Variants in CSMD1 observed in about 807,000 individuals in gnomAD.
CSMD1 encodes CUB and sushi domain-containing protein 1.
A neutral mutation model predicts 417.5 loss-of-function variants in CSMD1; 213 were observed. The observed-to-expected ratio is 0.51, with a 90% confidence interval of 0.46 to 0.57. The LOEUF (loss-of-function observed/expected upper bound fraction) is 0.57, where lower values mean the gene tolerates loss of function less well. Among genes scored for constraint, CSMD1 ranks in the 20% least tolerant of loss-of-function variants. The probability of loss-of-function intolerance (pLI) is 0.00; values close to 1 mark genes in which losing one functional copy is unlikely to be tolerated. For synonymous variants in CSMD1, 2,862 were observed against 1,736.8 expected (o/e 1.65, Z -16.11); for missense variants, 6,923 against 4,529.7 (o/e 1.53, Z -15.17).
chr8:3,604,635 A>G (rs1210370627), intron 8 of CSMD1, among the ~76,000 whole-genome samples: 1 of 152,186 alleles, frequency 6.6e-6, no homozygotes, highest in Non-Finnish European at 1.5e-5. Flanking sequence ...AAAAGGAATC[A>G]AAGGAGCCAA....
chr8:4,151,119 A>C (rs922964405), intron 3 of CSMD1, among the ~76,000 whole-genome samples: 2 of 152,318 alleles, frequency 1.3e-5, no homozygotes, highest in African/African-American at 4.8e-5. Context: ...AGAAGATATT[A>C]GGATCCCTGT....
rs181529047 is a variant in CSMD1, at chr8:4,874,207, A to G, written c.85+120125T>C. Among the ~76,000 whole-genome samples the G allele has an allele frequency of 5.7e-4, 87 of 152,256 alleles. 1 individual carries two copies. The highest frequency in any genetic ancestry group is 2.0e-3 in the African/African-American group (83 of 41,496). On this transcript the variant is annotated intron_variant, in intron 1 of 69. Coordinates refer to ENST00000635120, the MANE Select transcript of CSMD1 (RefSeq NM_033225.6). ...GAACAATGAACATGTGTGATTAATAAGATCAAGAAAGCCACTGTATAATTG... is the reference window on the plus strand; with the variant it reads ...GAACAATGAACATGTGTGATTAATAGGATCAAGAAAGCCACTGTATAATTG...
chr8:3,188,998 G>A lies in CSMD1; in HGVS notation c.5412C>T (p.Gly1804=), dbSNP rs1389003090. 3 of 1,612,940 alleles carry A rather than the reference G, an allele frequency of 1.9e-6. No individual in the cohort carries two copies. The highest frequency in any genetic ancestry group is 2.7e-5 in the African/African-American group (2 of 75,000). The part of the protein sequence containing the change: ...TIPSCVVPCS[G]NFTQRRGTIL... ...TTGTACCTCTTCGTTGAGTGAAATT[G>A]CCACTGCAGGGTACTAAAAGACACA... The change falls in exon 35 of 70, where the codon GGC becomes GGT. Residue 1804 remains glycine (G), a synonymous_variant. Coordinates refer to ENST00000635120, the MANE Select transcript of CSMD1 (RefSeq NM_033225.6).
intron 39 of CSMD1, among the ~76,000 whole-genome samples, chr8:3,153,351 CTCTG>C (rs1211525541): frequency 6.6e-6 from 1 of 152,210 alleles, no homozygotes; most frequent in African/African-American, 2.4e-5. Context: ...CTCGGGGCTG[CTCTG>C]TCTATGGAGT....
chr8:3,991,008 A>G (rs1426843686), intron 5 of CSMD1, among the ~76,000 whole-genome samples: 1 of 151,776 alleles, frequency 6.6e-6, no homozygotes, highest in Non-Finnish European at 1.5e-5. Context: ...CCTGACAAAA[A>G]CCTCTAAAAC....
At chr8:4,799,380 T>G (rs1054958990) in intron 1 of CSMD1, among the ~76,000 whole-genome samples, 39 of 151,696 alleles carry the variant, frequency 2.6e-4, no homozygotes, top group African/African-American at 9.4e-4. Flanking sequence ...ATCATATAAG[T>G]GTTTTAAAAT....
At chr8:3,650,894 G>A (rs1402341985) in intron 7 of CSMD1, among the ~76,000 whole-genome samples, 2 of 151,778 alleles carry the variant, frequency 1.3e-5, no homozygotes, top group African/African-American at 4.8e-5. Flanking sequence ...CTGGAATATC[G>A]AACGTCTTCT....
chr8:4,860,895 C>A (rs1005207602), intron 1 of CSMD1, among the ~76,000 whole-genome samples: 2 of 152,108 alleles, frequency 1.3e-5, no homozygotes, highest in African/African-American at 4.8e-5. Context: ...AAACCTTCCT[C>A]TGACTCTACA....
chr8:4,322,502 G>A (rs1045626482), intron 3 of CSMD1, among the ~76,000 whole-genome samples: 2 of 152,098 alleles, frequency 1.3e-5, no homozygotes, highest in Non-Finnish European at 2.9e-5. Context: ...ATGCAGTTGT[G>A]GGTTCAGGGA....
intron 1 of CSMD1, among the ~76,000 whole-genome samples, chr8:4,668,455 A>G (rs1221295192): frequency 1.4e-5 from 2 of 144,544 alleles, no homozygotes; most frequent in Non-Finnish European, 3.0e-5. Context: ...TATTATTATT[A>G]TTATTATTAT....
At position 3,252,897 on chromosome 8, in the gene CSMD1, T is replaced by A. The variant is rs532324150; in HGVS notation, c.4154-22666A>T. ...GATGGTAGTTTGTATTTCTGTGGGA[T>A]CGGTGGTGATATTACCTTTATCATT... On this transcript the variant is annotated intron_variant, in intron 26 of 69. Coordinates refer to ENST00000635120, the MANE Select transcript of CSMD1 (RefSeq NM_033225.6). Among the ~76,000 whole-genome samples the A allele has an allele frequency of 2.0e-5, 3 of 152,344 alleles. No individual in the cohort carries two copies. In the East Asian group the frequency reaches 5.8e-4, roughly 29 times the overall value.
intron 5 of CSMD1, among the ~76,000 whole-genome samples, chr8:3,786,787 G>A (rs188876103): frequency 9.9e-5 from 15 of 152,262 alleles, no homozygotes; most frequent in East Asian, 9.7e-4. Flanking sequence ...TTCCCCTTGC[G>A]TCCTCAGGTG....
At chr8:3,049,966 C>G (rs1811710577) in intron 50 of CSMD1, among the ~76,000 whole-genome samples, 1 of 151,998 alleles carries the variant, frequency 6.6e-6, no homozygotes, top group East Asian at 1.9e-4. Context: ...GAAACGAAAG[C>G]TCTGAAAATA....
At chr8:3,495,308 G>A (rs969242400) in intron 10 of CSMD1, among the ~76,000 whole-genome samples, 2 of 152,076 alleles carry the variant, frequency 1.3e-5, no homozygotes, top group African/African-American at 2.4e-5. Flanking sequence ...TTTCCTTTCC[G>A]ACATGTTAAC....
intron 1 of CSMD1, among the ~76,000 whole-genome samples, chr8:4,966,110 T>A (rs1386906594): frequency 6.7e-6 from 1 of 148,956 alleles, no homozygotes; most frequent in Non-Finnish European, 1.5e-5. Flanking sequence ...ACTTCTGTAA[T>A]CCCCGCACTT....
intron 12 of CSMD1, among the ~76,000 whole-genome samples, chr8:3,419,021 T>G (rs953247886): frequency 6.6e-6 from 1 of 152,196 alleles, no homozygotes; most frequent in African/African-American, 2.4e-5. Context: ...TTCACTTACA[T>G]TATACTCGAG....
At chr8:3,651,528 C>G (rs912556775) in intron 7 of CSMD1, among the ~76,000 whole-genome samples, 11 of 152,148 alleles carry the variant, frequency 7.2e-5, no homozygotes, top group African/African-American at 2.7e-4. Context: ...CTCCAGGTGT[C>G]TCCTCCAATG....
chr8:3,558,086 G>A (rs1037567418), intron 10 of CSMD1, among the ~76,000 whole-genome samples: 257 of 145,606 alleles, frequency 1.8e-3, no homozygotes, highest in African/African-American at 5.6e-3. Context: ...ATAGTACCCC[G>A]TGTCGACTCC....
intron 1 of CSMD1, among the ~76,000 whole-genome samples, chr8:4,687,182 G>A (rs1362827507): frequency 6.6e-6 from 1 of 152,190 alleles, no homozygotes; most frequent in African/African-American, 2.4e-5. Context: ...GGGTCTTAGT[G>A]TGAGCATCAG....
Sources: gnomAD v4.1 joint callset for allele counts (sites outside exome capture counted in the v4.1 genomes callset) on GRCh38, gnomAD v4.1.1 for gene constraint, MANE v1.5 for transcripts, NCBI Gene and HGNC (gene_info 2026-07-23, HGNC 2026-07-21) for gene names.